The following NDUFAF6 variants were observed in gnomAD, a reference collection of about 807,000 sequenced individuals.
NDUFAF6 encodes NADH:ubiquinone oxidoreductase complex assembly factor 6.
Under a neutral mutation model 40.8 loss-of-function variants are expected in NDUFAF6, and 45 were observed. The ratio of observed to expected loss-of-function variants is 1.10; its 90% confidence interval spans 0.87 to 1.42. NDUFAF6 has a LOEUF of 1.42. Ranked by LOEUF, NDUFAF6 falls within the 40% of genes most tolerant of loss-of-function variation. The pLI is 0.00. For synonymous variants in NDUFAF6, 185 were observed against 155.9 expected (o/e 1.19, Z -1.39); for missense variants, 435 against 418.5 (o/e 1.04, Z -0.34).
intron 1 of NDUFAF6, chr8:94,939,618 G>T: frequency 2.1e-6 from 1 of 476,584 alleles, no homozygotes. Flanking sequence ...GGGTGGTCTT[G>T]AACTCCTGAG....
chr8:94,928,948 CAGT>C (rs1490425831), intron 1 of NDUFAF6: 4 of 152,610 alleles, frequency 2.6e-5, no homozygotes, highest in Non-Finnish European at 4.4e-5. Flanking sequence ...ACACTTCTGT[CAGT>C]AGAATTGCTT....
chr8:95,026,531 A>G (rs1410187187), intron 1 of NDUFAF6, among the ~76,000 whole-genome samples: 1 of 152,246 alleles, frequency 6.6e-6, no homozygotes, highest in Non-Finnish European at 1.5e-5. Flanking sequence ...AGATAGCAGT[A>G]ATGGAAATCA....
At chr8:95,041,753 C>A in intron 4 of NDUFAF6, 127 bp downstream of exon 4, 1 of 802,460 alleles carries the variant, frequency 1.2e-6, no homozygotes, top group Non-Finnish European at 2.2e-6. Flanking sequence ...GAGAATTATG[C>A]CATTTTATTC....
chr8:95,117,191 G>T (rs967204211), downstream of NDUFAF6, among the ~76,000 whole-genome samples: 1 of 152,182 alleles, frequency 6.6e-6, no homozygotes, highest in Non-Finnish European at 1.5e-5. Context: ...GAGTGGGTTT[G>T]AATGGTTATG....
chr8:95,066,183 C>G (rs1313978579), intron 9 of NDUFAF6, among the ~76,000 whole-genome samples: 1 of 151,918 alleles, frequency 6.6e-6, no homozygotes, highest in Non-Finnish European at 1.5e-5. Flanking sequence ...GTGATCATGG[C>G]TCACTATAAC....
intron 2 of NDUFAF6, among the ~76,000 whole-genome samples, chr8:95,013,527 A>G (rs997430013): frequency 2.6e-5 from 4 of 152,384 alleles, no homozygotes; most frequent in Non-Finnish European, 5.9e-5. Context: ...TTCAAATTTT[A>G]GTATCTTAAA....
intron 9 of NDUFAF6, among the ~76,000 whole-genome samples, chr8:95,075,007 A>C (rs2132042712): frequency 6.6e-6 from 1 of 152,312 alleles, no homozygotes. Context: ...TAACGTGAAA[A>C]ACATTATTTC....
At chr8:94,982,048 T>C (rs1825491343) in intron 2 of NDUFAF6, among the ~76,000 whole-genome samples, 1 of 151,688 alleles carries the variant, frequency 6.6e-6, no homozygotes, top group Non-Finnish European at 1.5e-5. Context: ...GCTAACACGG[T>C]GAAACCACAT....
chr8:94,903,736 A>C (rs978486886), intron 1 of NDUFAF6, among the ~76,000 whole-genome samples: 1 of 152,202 alleles, frequency 6.6e-6, no homozygotes, highest in African/African-American at 2.4e-5. Flanking sequence ...TGAGTGATGG[A>C]TGCACAGAGA....
chr8:94,925,994 T>TAA (rs2131289059), intron 1 of NDUFAF6: 2 of 152,776 alleles, frequency 1.3e-5, no homozygotes, highest in African/African-American at 4.8e-5. Flanking sequence ...ACACTTTATT[T>TAA]ACTGACAGAT....
At chr8:94,924,062 G>C (rs769336158) in intron 1 of NDUFAF6, among the ~76,000 whole-genome samples, 3 of 149,342 alleles carry the variant, frequency 2.0e-5, no homozygotes, top group Non-Finnish European at 4.5e-5. Context: ...CCTCAGTTTT[G>C]TTTTGTTTTG....
At chr8:95,115,972 T>C (rs2132092055) in intron 5 of NDUFAF6, among the ~76,000 whole-genome samples, 1 of 152,168 alleles carries the variant, frequency 6.6e-6, no homozygotes, top group South Asian at 2.1e-4. Flanking sequence ...AACCCGTCTC[T>C]ACCAAAAACA....
At chr8:94,961,286 A>G (rs565366388) in intron 1 of NDUFAF6, among the ~76,000 whole-genome samples, 20 of 152,314 alleles carry the variant, frequency 1.3e-4, no homozygotes, top group South Asian at 2.1e-4. Flanking sequence ...CCAACCTTTC[A>G]TTCATTCAAT....
intron 1 of NDUFAF6, among the ~76,000 whole-genome samples, chr8:94,899,453 A>G (rs1256559523): frequency 3.3e-5 from 5 of 152,172 alleles, no homozygotes; most frequent in Non-Finnish European, 7.3e-5. Flanking sequence ...CCTGGGTAAG[A>G]TAATGTGCTA....
chr8:95,025,268 G>C, intron 1 of NDUFAF6, 63 bp downstream of exon 1: 1 of 1,334,714 alleles, frequency 7.5e-7, no homozygotes, highest in East Asian at 3.1e-5. Context: ...GAGCGGCTGC[G>C]CCTCGCGTCT....
chr8:95,038,958 C>T (rs541156262), intron 3 of NDUFAF6, among the ~76,000 whole-genome samples: 11 of 151,084 alleles, frequency 7.3e-5, no homozygotes, highest in South Asian at 2.1e-4. Context: ...TGTCAGCTAC[C>T]GCACCTGGCC....
chr8:95,045,868 A>G (rs1830688931), intron 5 of NDUFAF6, among the ~76,000 whole-genome samples: 1 of 152,022 alleles, frequency 6.6e-6, no homozygotes. Context: ...TCATACAACT[A>G]CTTTACCTCA....
At chr8:95,043,935 A>G (rs2131871708) in intron 4 of NDUFAF6, among the ~76,000 whole-genome samples, 1 of 152,368 alleles carries the variant, frequency 6.6e-6, no homozygotes, top group East Asian at 1.9e-4. Flanking sequence ...CAGAACTTGT[A>G]TATGAATGTT....
intron 3 of NDUFAF6, among the ~76,000 whole-genome samples, chr8:95,036,885 C>A (rs531457087): frequency 3.9e-5 from 6 of 152,166 alleles, no homozygotes; most frequent in Non-Finnish European, 8.8e-5. Context: ...TGAAGCTGAA[C>A]GTGAATATTT....
Sources: allele counts gnomAD v4.1 joint callset (sites outside exome capture counted in the v4.1 genomes callset), GRCh38; gene constraint gnomAD v4.1.1; transcripts MANE v1.5; gene names NCBI Gene and HGNC (gene_info 2026-07-23, HGNC 2026-07-21).